MTSS2: variants seen among roughly 807,000 people sequenced by gnomAD.
MTSS2 encodes protein MTSS 2.
Under a neutral mutation model 67.1 loss-of-function variants are expected in MTSS2, and 27 were observed. The observed-to-expected ratio is 0.40, with a 90% CI of 0.30 to 0.55. The LOEUF is 0.55. Ranked by LOEUF, MTSS2 falls within the 20% of genes least tolerant of loss-of-function variation. The pLI is 0.43. For synonymous variants in MTSS2, 624 were observed against 468.6 expected (o/e 1.33, Z -4.28); for missense variants, 1,171 against 1,067.8 (o/e 1.10, Z -1.35).
intron 7 of MTSS2, among the ~76,000 whole-genome samples, chr16:70,678,743 G>T (rs1348092493): frequency 3.3e-5 from 5 of 152,196 alleles, no homozygotes; most frequent in Admixed American, 2.6e-4. Context: ...TCACTGACCC[G>T]GGATGGCGCC....
rs11538963 is a variant in MTSS2, at chr16:70,662,369, T to G, written c.*1308A>C. ...CCTGCTGAGACTTGGCGTGACTTGG[T>G]GCGTGGGGTGGGGGCAGCCTTGCCC... On this transcript the variant is annotated 3_prime_UTR_variant, in exon 15 of 15. Transcript: ENST00000338779. 3.9e-5 allele frequency: 6 copies of G among 152,152 alleles called. No individual in the cohort carries two copies. Among genetic ancestry groups the G allele is most frequent in the African/African-American group, 9.7e-5 (4 of 41,336 alleles). The allele number at this position is 152,152 out of a possible 1,614,324, so 9.4% of individuals were successfully genotyped here.
intron 11 of MTSS2, among the ~76,000 whole-genome samples, chr16:70,667,165 G>A (rs190033885): frequency 6.1e-4 from 92 of 151,136 alleles, no homozygotes; most frequent in Non-Finnish European, 7.2e-4. Flanking sequence ...CAGCTACACA[G>A]GAAGCTGAGG....
rs977731267 is a variant in MTSS2, at chr16:70,677,527, A to G, written c.732+265T>C. On this transcript the variant is annotated intron_variant, in intron 9 of 14. Coordinates refer to ENST00000338779, the MANE Select transcript of MTSS2 (RefSeq NM_138383.3). ...GAGGTCTGCCCACATGGAGCAGGGC[A>G]GGCAGACTCTGGGCCTGACTCCATG... Among the ~76,000 whole-genome samples, 63 of 152,142 alleles carry G rather than the reference A, an allele frequency of 4.1e-4. 1 individual carries two copies. Among genetic ancestry groups the G allele is most frequent in the Admixed American group, 4.1e-3 (63 of 15,288 alleles).
chr16:70,684,779 A>ACTC (rs2142947161), intron 1 of MTSS2, among the ~76,000 whole-genome samples: 1 of 152,244 alleles, frequency 6.6e-6, no homozygotes, highest in Non-Finnish European at 1.5e-5. Flanking sequence ...CCACCCTATC[A>ACTC]CTGGAGCTGG....
chr16:70,669,467 G>A (rs1478187220), intron 11 of MTSS2, among the ~76,000 whole-genome samples: 2 of 152,166 alleles, frequency 1.3e-5, no homozygotes, highest in Non-Finnish European at 2.9e-5. Context: ...AGGATTGCTT[G>A]AGCCCAAGAG....
At chr16:70,674,163 G>T in intron 11 of MTSS2, 143 bp downstream of exon 11, 1 of 690,882 alleles carries the variant, frequency 1.4e-6, no homozygotes, top group Admixed American at 2.9e-5. Flanking sequence ...ATACTGAACA[G>T]AATAAAGGCC....
chr16:70,677,044 C>A (rs923806891), intron 9 of MTSS2, 66 bp from the exon 10 acceptor site: 7 of 1,233,668 alleles, frequency 5.7e-6, no homozygotes, highest in Non-Finnish European at 8.0e-6. Flanking sequence ...CCAGAGGCCC[C>A]CCCCCACTCT....
chr16:70,674,322 G>A lies in MTSS2; in HGVS notation c.1037C>T (p.Ser346Leu), dbSNP rs1205419973. The A allele has an allele frequency of 6.2e-7, 1 of 1,613,750 alleles. No homozygotes were observed. The highest frequency in any genetic ancestry group is 2.2e-5 in the East Asian group (1 of 44,878). The change falls in exon 11 of 15, where the codon TCA becomes TTA. Residue 346 changes from serine to leucine, a missense_variant. By Grantham distance (145) the Ser-to-Leu change is moderately radical (BLOSUM62 -2). Transcript: ENST00000338779. ...CCCCCTCACCTGGCTGGTGATGTCT[G>A]AAGGCATAGGCGAGGGGGGCTTGGA... ...TYSKPPSPMP[S>L]DITSQKSSSS... is the part of the protein sequence containing the mutation.
intron 6 of MTSS2, 43 bp downstream of exon 6, chr16:70,679,587 C>A (rs374359569): frequency 1.3e-6 from 2 of 1,548,036 alleles, no homozygotes; most frequent in Non-Finnish European, 1.7e-6. Flanking sequence ...GGCTGTGGAG[C>A]GGGGCCGTGG....
rs761143864 is a variant in MTSS2 at position 70,663,955 on chromosome 16, G to T, written c.1966C>A (p.Pro656Thr). ...GSPSPEAAGYPGAGAEDEQQQ... is the reference protein window; with the variant it reads ...GSPSPEAAGYTGAGAEDEQQQ... The stretch of plus-strand genomic sequence containing the variant: ...TGCTCGTCCTCGGCCCCTGCCCCGG[G>T]GTACCCGGCTGCCTCTGGGGATGGG... The change falls in exon 15 of 15, where the codon CCC (proline) becomes ACC (threonine). Residue 656 changes from proline (P) to threonine (T), a missense_variant. Around this residue, in one of 2 missense-constraint regions of MTSS2, gnomAD observed 924 missense variants for 756.0 expected, o/e 1.22. Coordinates refer to ENST00000338779, the MANE Select transcript of MTSS2 (RefSeq NM_138383.3). 6.4e-7 allele frequency: 1 copy of T among 1,563,830 alleles called. No homozygotes were observed. Among genetic ancestry groups the T allele is most frequent in the Middle Eastern group, 1.7e-4 (1 of 5,968 alleles).
chr16:70,664,834 G>T, intron 13 of MTSS2, 71 bp from the exon 14 acceptor site: 1 of 1,526,056 alleles, frequency 6.6e-7, no homozygotes, highest in Non-Finnish European at 8.8e-7. Context: ...AGGCAGCCCT[G>T]CCAGGTGGTT....
chr16:70,672,238 T>G (rs1419957000), intron 11 of MTSS2, among the ~76,000 whole-genome samples: 1 of 151,334 alleles, frequency 6.6e-6, no homozygotes, highest in East Asian at 1.9e-4. Context: ...TCCCAGCTAC[T>G]TGGGAGGCTG....
intron 12 of MTSS2, 133 bp downstream of exon 12, chr16:70,665,333 T>C (rs1166252526): frequency 3.8e-6 from 4 of 1,053,776 alleles, no homozygotes; most frequent in Non-Finnish European, 5.4e-6. Flanking sequence ...GGCTTGTCTC[T>C]TGGGGACAGG....
chr16:70,664,985 T>C lies in MTSS2; in HGVS notation c.1240A>G (p.Thr414Ala). Residue 414 changes from threonine to alanine, a missense_variant, in exon 13 of 15, where the codon ACC (threonine) becomes GCC (alanine). By Grantham distance (58) the Thr-to-Ala change is moderately conservative (BLOSUM62 0). Around this residue, in one of 2 missense-constraint regions of MTSS2, gnomAD observed 924 missense variants for 756.0 expected, o/e 1.22. Transcript: ENST00000338779. Reference sequence around the variant, plus strand: ...GCCTCTTCCCCGCTGGGGCCCAGGGTGCCCCCACTGGCAGGGCCTGGCTCT... The same window carrying C: ...GCCTCTTCCCCGCTGGGGCCCAGGGCGCCCCCACTGGCAGGGCCTGGCTCT... The part of the protein sequence containing the change: ...DTEPGPASGG[T>A]LGPSGEEAPR... The C allele has an allele frequency of 6.3e-7, 1 of 1,587,080 alleles. No homozygotes were observed. The highest frequency in any genetic ancestry group is 8.5e-7 in the Non-Finnish European group (1 of 1,175,126).
At chr16:70,677,040 G>A (rs1393686318) in intron 9 of MTSS2, 62 bp from the exon 10 acceptor site, 12 of 1,231,294 alleles carry the variant, frequency 9.7e-6, no homozygotes, top group South Asian at 1.4e-5. Context: ...AGGGCCAGAG[G>A]CCCCCCCCCA....
Position 70,662,142 on chromosome 16 carries a change from G to A in MTSS2, c.*1535C>T, listed in dbSNP as rs2052502469. The A allele has an allele frequency of 6.6e-6, 1 of 152,168 alleles. No individual in the cohort carries two copies. Among genetic ancestry groups the A allele is most frequent in the South Asian group, 2.1e-4 (1 of 4,834 alleles). 9.4% of individuals were successfully genotyped at this position (152,168 alleles called of 1,614,324 possible). ...AGGAGCTGCCCAGCTCACCGCACAA[G>A]AACTCCCAGGAGCTCAAGCCTGGGA... On this transcript the variant is annotated 3_prime_UTR_variant, in exon 15 of 15. Coordinates refer to ENST00000338779, the MANE Select transcript of MTSS2 (RefSeq NM_138383.3).
chr16:70,665,153 G>A (rs2052659905), intron 12 of MTSS2, 57 bp from the exon 13 acceptor site: 1 of 1,524,416 alleles, frequency 6.6e-7, no homozygotes, highest in Non-Finnish European at 8.7e-7. Context: ...CTATGGCCCG[G>A]GGGCCCGTCA....
intron 12 of MTSS2, 172 bp from the exon 13 acceptor site, chr16:70,665,268 A>G (rs1464809842): frequency 1.1e-6 from 1 of 935,900 alleles, no homozygotes; most frequent in East Asian, 2.6e-5. Context: ...CAGTCCCACC[A>G]GGCCCAGGGG....
At position 70,663,573 on chromosome 16, in the gene MTSS2, C is replaced by T. The variant is rs1249997096; in HGVS notation, c.*104G>A. ...TAAAGTGGCATGGCCTCTGCCCTGG[C>T]TCTGTCCTCTCTCCTGGCTGGGCCT... On this transcript the variant is annotated 3_prime_UTR_variant, in exon 15 of 15. Transcript: ENST00000338779. 35 of 1,442,484 alleles carry T rather than the reference C, an allele frequency of 2.4e-5. No individual in the cohort carries two copies. The highest frequency in any genetic ancestry group is 3.0e-5 in the Non-Finnish European group (33 of 1,098,052). 89.4% of individuals were successfully genotyped at this position (1,442,484 alleles called of 1,614,324 possible). A position where few individuals can be genotyped will look rare whatever the true frequency, so the allele number is the denominator to read the frequency against.
Sources: allele counts gnomAD v4.1 joint callset (sites outside exome capture counted in the v4.1 genomes callset), GRCh38; gene constraint gnomAD v4.1.1; regional missense constraint gnomAD v4.1.1; transcripts MANE v1.5; gene names NCBI Gene and HGNC (gene_info 2026-07-23, HGNC 2026-07-21).